The following ABCC1 variants were observed in gnomAD, a reference collection of about 807,000 sequenced individuals.
ABCC1 encodes ATP binding cassette subfamily C member 1 (ABCC1 blood group).
ABCC1 carries 83 observed loss-of-function variants against 172.9 expected under a neutral mutation model. That is an observed-to-expected ratio of 0.48 (90% CI 0.40 to 0.58). The LOEUF is 0.58. Among genes scored for constraint, ABCC1 ranks in the 20% least tolerant of loss-of-function variants. The pLI, the probability that ABCC1 is intolerant of heterozygous loss-of-function variation, is 0.00. For missense variants in ABCC1, 1,817 were observed against 2,002.7 expected, an observed-to-expected ratio of 0.91 and a Z score of 1.77; for synonymous variants, 937 against 825.2, an observed-to-expected ratio of 1.14 and a Z score of -2.32.
chr16:16,138,297 G>C, intron 29 of ABCC1, 67 bp from the exon 30 acceptor site: 1 of 1,468,612 alleles, frequency 6.8e-7, no homozygotes, highest in Non-Finnish European at 9.2e-7. Context: ...TCCCAGCCTG[G>C]GCCTAGGTTC....
At position 15,987,555 on chromosome 16, in the gene ABCC1, G is replaced by A. The variant is rs140533695; in HGVS notation, c.49-20261G>A. Among the ~76,000 whole-genome samples the A allele has an allele frequency of 1.4e-4, 22 of 152,268 alleles. No individual in the cohort carries two copies. In the East Asian group the frequency reaches 4.1e-3, roughly 28 times the overall value. On this transcript the variant is annotated intron_variant, in intron 1 of 30. Transcript: ENST00000399410. ...TATCCCTGGCCTCTGTCCACAGAGTGCCAATAGCACTACCCTCTTCCTAAG... is the reference window on the plus strand; with the variant it reads ...TATCCCTGGCCTCTGTCCACAGAGTACCAATAGCACTACCCTCTTCCTAAG...
rs1596569955 is a variant in ABCC1, at chr16:16,142,779, T to G, written c.*1498T>G. ...GAAGAAAACAGGGAAGCAGCATCTT[T>G]TAAAGCCTGTTCTTTAAGGTGTCTC... On this transcript the variant is annotated 3_prime_UTR_variant, in exon 31 of 31. Coordinates refer to ENST00000399410, the MANE Select transcript of ABCC1 (RefSeq NM_004996.4). The G allele has an allele frequency of 6.6e-6, 1 of 152,488 alleles. No homozygotes were observed. Among genetic ancestry groups the G allele is most frequent in the Admixed American group, 6.5e-5 (1 of 15,282 alleles). The allele number at this position is 152,488 out of a possible 1,614,324, so 9.4% of individuals were successfully genotyped here. A position where few individuals can be genotyped will look rare whatever the true frequency, so the allele number is the denominator to read the frequency against.
chr16:16,101,035 T>G (rs1567403703), intron 19 of ABCC1, among the ~76,000 whole-genome samples: 1 of 151,776 alleles, frequency 6.6e-6, no homozygotes, highest in Non-Finnish European at 1.5e-5. Context: ...TATTTTTATT[T>G]TTTATTTTTA....
At chr16:16,100,367 G>C (rs1051828175) in intron 19 of ABCC1, among the ~76,000 whole-genome samples, 8 of 152,148 alleles carry the variant, frequency 5.3e-5, no homozygotes, top group Non-Finnish European at 8.8e-5. Flanking sequence ...AGGAGAGCGG[G>C]GGGGCTCTCT....
rs138925127 is a variant in ABCC1, at chr16:16,005,829, C to T, written c.49-1987C>T. Among the ~76,000 whole-genome samples the T allele has an allele frequency of 2.3e-4, 35 of 152,134 alleles. No homozygotes were observed. The East Asian group carries it at 6.8e-3, about 30-fold the overall frequency. ...AAAAAAAATTAGCCAAGCGGGGTGA[C>T]CGCAGTCCCAGCTATTTAGGAGGTT... On this transcript the variant is annotated intron_variant, in intron 1 of 30. Transcript: ENST00000399410.
chr16:16,014,623 A>G lies in ABCC1; in HGVS notation c.484A>G (p.Lys162Glu), dbSNP rs201076225. The G allele has an allele frequency of 1.1e-4, 173 of 1,613,574 alleles. 1 individual carries two copies. The highest frequency in any genetic ancestry group is 9.9e-5 in the Non-Finnish European group (117 of 1,179,970). ...GAGATCCAAAATTATGACAGCCTTA[A>G]AAGAGGTAAGTGGCAGTCTCCTTCC... is the stretch of plus-strand genomic sequence containing the variant. ...ILRSKIMTAL[K>E]EDAQVDLFRD... The change falls in exon 4 of 31, where the codon AAA (lysine) becomes GAA (glutamate). Residue 162 changes from lysine (K) to glutamate (E), a missense_variant. By Grantham distance (56) the Lys-to-Glu change is moderately conservative. Around this residue, in one of 3 missense-constraint regions of ABCC1, gnomAD observed 398 missense variants for 384.2 expected, o/e 1.04. Coordinates refer to ENST00000399410, the MANE Select transcript of ABCC1 (RefSeq NM_004996.4).
intron 19 of ABCC1, among the ~76,000 whole-genome samples, chr16:16,093,979 C>CTTTTTTT (rs578261751): frequency 1.9e-5 from 2 of 106,612 alleles, no homozygotes; most frequent in African/African-American, 7.9e-5. Context: ...TCCCTCTCTC[C>CTTTTTTT]TTTTTTTTTT....
intron 11 of ABCC1, among the ~76,000 whole-genome samples, chr16:16,055,632 C>CT (rs2049617487): frequency 1.3e-5 from 2 of 152,032 alleles, no homozygotes; most frequent in Admixed American, 1.3e-4. Flanking sequence ...AGAGTAGGGA[C>CT]TGAATCCCTT....
chr16:16,103,117 A>G (rs557387464), intron 20 of ABCC1, among the ~76,000 whole-genome samples: 1 of 152,298 alleles, frequency 6.6e-6, no homozygotes, highest in African/African-American at 2.4e-5. Flanking sequence ...TGGGAGGTTG[A>G]GGCAGGAGGA....
intron 12 of ABCC1, among the ~76,000 whole-genome samples, chr16:16,066,394 T>C (rs2151945052): frequency 6.6e-6 from 1 of 151,534 alleles, no homozygotes; most frequent in East Asian, 2.0e-4. Flanking sequence ...TTGGTCAGGC[T>C]GGTCTGGAAC....
chr16:16,120,980 A>G (rs1596535201), intron 23 of ABCC1, among the ~76,000 whole-genome samples: 1 of 152,300 alleles, frequency 6.6e-6, no homozygotes, highest in African/African-American at 2.4e-5. Context: ...TGTTAGGTCA[A>G]ACTATATGAA....
chr16:15,954,427 CCCT>C (rs2045942938), intron 1 of ABCC1, among the ~76,000 whole-genome samples: 1 of 152,110 alleles, frequency 6.6e-6, no homozygotes, highest in South Asian at 2.1e-4. Context: ...TCTTGGGGGG[CCCT>C]CCTCTCCACC....
chr16:16,102,170 G>C (rs1455389329), intron 19 of ABCC1, among the ~76,000 whole-genome samples: 1 of 152,194 alleles, frequency 6.6e-6, no homozygotes, highest in Admixed American at 6.5e-5. Flanking sequence ...CTGCCTGTTG[G>C]CTGATGGCCT....
At chr16:15,975,115 T>C (rs2046454366) in intron 1 of ABCC1, among the ~76,000 whole-genome samples, 1 of 152,180 alleles carries the variant, frequency 6.6e-6, no homozygotes, top group African/African-American at 2.4e-5. Flanking sequence ...GCACAGCTCT[T>C]CGGCAGTCAG....
chr16:16,047,539 C>T (rs867453845), intron 9 of ABCC1, among the ~76,000 whole-genome samples: 5 of 152,104 alleles, frequency 3.3e-5, no homozygotes, highest in South Asian at 2.1e-4. Context: ...CACCAGGGCA[C>T]GTTTGGCAAT....
rs942018302 is a variant in ABCC1, at chr16:16,048,441, C to T, written c.1380+138C>T. Reference sequence around the variant, plus strand: ...CCGGCTGTGGTTCATATTTTATTTTCCAGCCTGTTAACCAATTCCTCAGTA... The same window carrying T: ...CCGGCTGTGGTTCATATTTTATTTTTCAGCCTGTTAACCAATTCCTCAGTA... On this transcript the variant is annotated intron_variant, in intron 10 of 30. Coordinates refer to ENST00000399410, the MANE Select transcript of ABCC1 (RefSeq NM_004996.4). The T allele has an allele frequency of 5.6e-6, 6 of 1,062,298 alleles. No homozygotes were observed. In the Admixed American group the frequency reaches 1.6e-4, roughly 29 times the overall value. The allele number at this position is 1,062,298 out of a possible 1,614,324, so 65.8% of individuals were successfully genotyped here.
intron 23 of ABCC1, among the ~76,000 whole-genome samples, chr16:16,119,239 G>A (rs1055060036): frequency 2.0e-5 from 3 of 152,128 alleles, no homozygotes; most frequent in Non-Finnish European, 1.5e-5. Flanking sequence ...CCAGGAGTTC[G>A]AGACCAGCCT....
intron 21 of ABCC1, among the ~76,000 whole-genome samples, chr16:16,107,516 C>T (rs1020824971): frequency 6.6e-6 from 1 of 152,150 alleles, no homozygotes; most frequent in African/African-American, 2.4e-5. Flanking sequence ...TCTTGAACTC[C>T]TGACCTCAGG....
chr16:16,106,788 A>G lies in ABCC1; in HGVS notation c.2786A>G (p.Asn929Ser), dbSNP rs1156812906. The change falls in exon 21 of 31, where the codon AAC becomes AGC. Residue 929 changes from asparagine to serine, a missense_variant. Asn to Ser is a conservative substitution (Grantham distance 46). Transcript: ENST00000399410. ...AGTGGGGACATCAGCAGGCACCACA[A>G]CAGCACCGCAGAACTGCAGAAAGCT... Reference protein sequence around the residue: ...SYSGDISRHHNSTAELQKAEA... With the variant: ...SYSGDISRHHSSTAELQKAEA... 16 of 1,614,038 alleles carry G rather than the reference A, an allele frequency of 9.9e-6. No homozygotes were observed. The highest frequency in any genetic ancestry group is 1.1e-5 in the Non-Finnish European group (13 of 1,180,042).
Sources: gnomAD v4.1 joint callset for allele counts (sites outside exome capture counted in the v4.1 genomes callset) on GRCh38, gnomAD v4.1.1 for gene constraint, gnomAD v4.1.1 regional missense constraint, MANE v1.5 for transcripts, NCBI Gene and HGNC (gene_info 2026-07-23, HGNC 2026-07-21) for gene names.